WDR59: variants seen among roughly 807,000 people sequenced by gnomAD.
WDR59 encodes GATOR2 complex protein WDR59.
A neutral mutation model predicts 131.2 loss-of-function variants in WDR59; 100 were observed. The ratio of observed to expected loss-of-function variants is 0.76; its 90% CI spans 0.65 to 0.90. The LOEUF (loss-of-function observed/expected upper bound fraction) is 0.90. Among genes scored for constraint, WDR59 ranks in the 40% least tolerant of loss-of-function variants. WDR59 has a pLI of 0.00. For missense variants in WDR59, 1,203 were observed against 1,262.2 expected (o/e 0.95, Z 0.71); for synonymous variants, 601 against 466.2 (o/e 1.29, Z -3.72).
intron 18 of WDR59, chr16:74,899,864 A>C: frequency 1.3e-6 from 1 of 779,004 alleles, no homozygotes; most frequent in Non-Finnish European, 1.9e-6. Flanking sequence ...ATGGATTCCA[A>C]TGTACCATAA....
At chr16:74,936,935 A>G (rs2145074037) in intron 8 of WDR59, among the ~76,000 whole-genome samples, 1 of 152,354 alleles carries the variant, frequency 6.6e-6, no homozygotes, top group Admixed American at 6.5e-5. Flanking sequence ...GAGATTTACA[A>G]ACTTCAAGAC....
At chr16:74,880,096 G>C (rs575624543) in intron 25 of WDR59, among the ~76,000 whole-genome samples, 1 of 152,284 alleles carries the variant, frequency 6.6e-6, no homozygotes, top group South Asian at 2.1e-4. Flanking sequence ...GGATAGATCA[G>C]ATTTACAGCC....
At chr16:74,916,315 T>A in intron 11 of WDR59, 56 bp from the exon 12 acceptor site, 1 of 1,608,378 alleles carries the variant, frequency 6.2e-7, no homozygotes, top group Non-Finnish European at 8.5e-7. Flanking sequence ...ATGATTGTCA[T>A]GTCTGATTAA....
At chr16:74,906,593 A>G (rs1030631314) in intron 17 of WDR59, among the ~76,000 whole-genome samples, 4 of 152,184 alleles carry the variant, frequency 2.6e-5, no homozygotes, top group African/African-American at 9.6e-5. Context: ...TTTGCTCATA[A>G]TGGCCGAAAA....
At chr16:74,927,089 C>A (rs1219546304) in intron 8 of WDR59, among the ~76,000 whole-genome samples, 1 of 152,152 alleles carries the variant, frequency 6.6e-6, no homozygotes. Context: ...GGATGAGGTT[C>A]TTCCATTGAG....
Position 74,908,989 on chromosome 16 carries a change from G to A in WDR59, c.1643-12C>T. 1 of 1,611,790 alleles carries A rather than the reference G, an allele frequency of 6.2e-7. No homozygotes were observed. Among genetic ancestry groups the A allele is most frequent in the Non-Finnish European group, 8.5e-7 (1 of 1,178,846 alleles). Reference sequence around the variant, plus strand: ...ATATACCAGGTAACCTAAAGGAGGAGACATCACATGAGCCATCAGTGTCAA... The same window carrying A: ...ATATACCAGGTAACCTAAAGGAGGAAACATCACATGAGCCATCAGTGTCAA... On this transcript the variant is annotated splice_polypyrimidine_tract_variant and intron_variant, in intron 16 of 25. Coordinates refer to ENST00000262144, the MANE Select transcript of WDR59 (RefSeq NM_030581.4).
Position 74,942,761 on chromosome 16 carries a change from C to A in WDR59, c.511G>T (p.Asp171Tyr). The change falls in exon 7 of 26, where the codon GAT (aspartate) becomes TAT (tyrosine). Residue 171 changes from aspartate to tyrosine, a missense_variant. Coordinates refer to ENST00000262144, the MANE Select transcript of WDR59 (RefSeq NM_030581.4). ...ANCLATSHDG[D>Y]VRIWDKRKPS... The stretch of plus-strand genomic sequence containing the variant: ...ACCCTCTTATCCCATATCCGCACAT[C>A]GCCGTCATGGCTGGTGGCAAGGCAG... 1 of 1,613,522 alleles carries A rather than the reference C, an allele frequency of 6.2e-7. No homozygotes were observed. Among genetic ancestry groups the A allele is most frequent in the Non-Finnish European group, 8.5e-7 (1 of 1,179,856 alleles).
chr16:74,890,527 A>C (rs1039287286), intron 20 of WDR59, among the ~76,000 whole-genome samples: 1 of 152,190 alleles, frequency 6.6e-6, no homozygotes, highest in Admixed American at 6.5e-5. Context: ...TCTATAACAC[A>C]TTTAAGATCT....
At chr16:74,968,647 G>A (rs1191630482) in intron 1 of WDR59, among the ~76,000 whole-genome samples, 1 of 152,096 alleles carries the variant, frequency 6.6e-6, no homozygotes, top group Non-Finnish European at 1.5e-5. Flanking sequence ...CTTGAACCCA[G>A]GAAGTGGAGG....
chr16:74,935,652 A>G (rs572097148), intron 8 of WDR59, among the ~76,000 whole-genome samples: 2 of 152,232 alleles, frequency 1.3e-5, no homozygotes, highest in East Asian at 3.9e-4. Context: ...CTTATCTACT[A>G]AAAAAATGGT....
intron 8 of WDR59, among the ~76,000 whole-genome samples, chr16:74,927,971 G>C: frequency 7.1e-6 from 1 of 141,714 alleles, no homozygotes; most frequent in Middle Eastern, 3.6e-3. Context: ...GCAGTAGCGC[G>C]ATCTCGGCTC....
At chr16:74,981,660 A>ATATATATTTT (rs1567451007) in intron 1 of WDR59, among the ~76,000 whole-genome samples, 1 of 80,864 alleles carries the variant, frequency 1.2e-5, no homozygotes, top group Non-Finnish European at 2.0e-5. Context: ...ATATATATAT[A>ATATATATTTT]TTTTTTTTTT....
chr16:74,958,589 T>A (rs1490787092), intron 2 of WDR59, among the ~76,000 whole-genome samples: 3 of 2,698 alleles, frequency 1.1e-3, no homozygotes, highest in South Asian at 0.029. Context: ...TGAGACTCCA[T>A]CTCAAAAAAA....
chr16:74,916,846 G>C (rs1966412212), intron 11 of WDR59, among the ~76,000 whole-genome samples: 1 of 131,296 alleles, frequency 7.6e-6, no homozygotes, highest in African/African-American at 2.8e-5. Context: ...GCAACAGAGA[G>C]AGACTCCATC....
chr16:74,969,170 C>G (rs2145207554), intron 1 of WDR59, among the ~76,000 whole-genome samples: 1 of 152,248 alleles, frequency 6.6e-6, no homozygotes, highest in East Asian at 1.9e-4. Flanking sequence ...AAGAAAGGTG[C>G]CTGCTGGGGA....
At chr16:74,976,359 T>G (rs1196454021) in intron 1 of WDR59, among the ~76,000 whole-genome samples, 8 of 152,226 alleles carry the variant, frequency 5.3e-5, no homozygotes. Flanking sequence ...CTGAGATGAT[T>G]CATTTTCAAT....
chr16:74,951,359 G>C, intron 4 of WDR59, 99 bp downstream of exon 4: 1 of 1,203,762 alleles, frequency 8.3e-7, no homozygotes, highest in Non-Finnish European at 1.2e-6. Flanking sequence ...GTGCAACACA[G>C]ACAGTCAAGC....
Position 74,874,459 on chromosome 16 carries a change from G to A in WDR59, c.2690-15C>T. On this transcript the variant is annotated splice_polypyrimidine_tract_variant and intron_variant, in intron 25 of 25. Transcript: ENST00000262144. Reference sequence around the variant, plus strand: ...CACGCCGAACTCTGGAAATGGGCAGGGACGGGCAAAACAAGAGGCAGCATG... The same window carrying A: ...CACGCCGAACTCTGGAAATGGGCAGAGACGGGCAAAACAAGAGGCAGCATG... The A allele has an allele frequency of 6.2e-7, 1 of 1,611,946 alleles. No homozygotes were observed. The highest frequency in any genetic ancestry group is 1.3e-5 in the African/African-American group (1 of 75,022).
Position 74,886,268 on chromosome 16 carries a change from AC to A in WDR59, c.2546+1del. ...GCAGCTCTCACCTGGGAGGGTGGTT[AC>A]CTTTTATTTTTATCATGCTGGTCGC... On this transcript the variant is annotated splice_donor_variant, in intron 24 of 25. Transcript: ENST00000262144. LOFTEE classifies it high-confidence loss of function. 1.2e-6 allele frequency: 2 copies of A among 1,609,532 alleles called. No individual in the cohort carries two copies. The highest frequency in any genetic ancestry group is 1.7e-6 in the Non-Finnish European group (2 of 1,177,402).
Sources: gnomAD v4.1 joint callset for allele counts (sites outside exome capture counted in the v4.1 genomes callset) on GRCh38, gnomAD v4.1.1 for gene constraint, MANE v1.5 for transcripts, NCBI Gene and HGNC (gene_info 2026-07-23, HGNC 2026-07-21) for gene names.